GABRB3: variants seen among roughly 807,000 people sequenced by gnomAD.
The protein encoded by GABRB3 is gamma-aminobutyric acid receptor subunit beta-3.
Under a neutral mutation model 52.1 loss-of-function variants are expected in GABRB3, and 14 were observed. The observed-to-expected ratio is 0.27, with a 90% confidence interval of 0.18 to 0.42. The LOEUF (loss-of-function observed/expected upper bound fraction) is 0.42. Among genes scored for constraint, GABRB3 ranks in the 10% least tolerant of loss-of-function variants. The pLI is 1.00. For synonymous variants in GABRB3, 260 were observed against 232.3 expected, an observed-to-expected ratio of 1.12 and a Z score of -1.08; for missense variants, 307 against 609.1, an observed-to-expected ratio of 0.50 and a Z score of 5.22.
intron 4 of GABRB3, among the ~76,000 whole-genome samples, chr15:26,609,761 G>GTTCAAAATTTATT (rs1891995824): frequency 2.0e-5 from 3 of 152,250 alleles, no homozygotes; most frequent in African/African-American, 7.2e-5. Context: ...TTTCAAAGTT[G>GTTCAAAATTTATT]CTGAGAGAAT....
chr15:26,571,470 A>C (rs952300220), intron 6 of GABRB3, among the ~76,000 whole-genome samples: 2 of 152,216 alleles, frequency 1.3e-5, no homozygotes, highest in Non-Finnish European at 2.9e-5. Flanking sequence ...CCCAGAGAAG[A>C]GCAGCAAATA....
chr15:26,653,214 T>C (rs905848583), intron 3 of GABRB3, among the ~76,000 whole-genome samples: 5 of 152,138 alleles, frequency 3.3e-5, no homozygotes, highest in Admixed American at 6.5e-5. Flanking sequence ...AACTAACAAA[T>C]TCACCACAAG....
rs926447340 is a variant in GABRB3, at chr15:26,650,677, G to A, written c.241-29143C>T. Among the ~76,000 whole-genome samples, 55 of 151,918 alleles carry A rather than the reference G, an allele frequency of 3.6e-4. 1 individual carries two copies. The highest frequency in any genetic ancestry group is 1.0e-4 in the Non-Finnish European group (7 of 68,010). On this transcript the variant is annotated intron_variant, in intron 3 of 8. Transcript: ENST00000311550. ...TCCCCACCCTTCACCTATTTTACAT[G>A]TGCCTACCCTTTCCTAATTGGTTTT...
chr15:26,773,252 C>A (rs565238494), upstream of GABRB3, among the ~76,000 whole-genome samples: 109 of 150,070 alleles, frequency 7.3e-4, no homozygotes, highest in Admixed American at 1.1e-3. Flanking sequence ...GGCCCGAGGC[C>A]GGGGCCCTGG....
At chr15:26,748,751 C>A (rs1000213805) in intron 3 of GABRB3, among the ~76,000 whole-genome samples, 4 of 150,784 alleles carry the variant, frequency 2.7e-5, no homozygotes, top group African/African-American at 7.3e-5. Flanking sequence ...TTGGGCTGGG[C>A]ACAGGGGCTC....
At chr15:26,572,102 G>T (rs548992680) in intron 6 of GABRB3, among the ~76,000 whole-genome samples, 1 of 150,758 alleles carries the variant, frequency 6.6e-6, no homozygotes, top group Non-Finnish European at 1.5e-5. Flanking sequence ...AAAATGTTCC[G>T]GTATCCGGCG....
At chr15:26,554,041 T>TTATATATATATATATATATATTTA (rs1555400774) in intron 8 of GABRB3, among the ~76,000 whole-genome samples, 2 of 62,096 alleles carry the variant, frequency 3.2e-5, no homozygotes, top group Non-Finnish European at 3.2e-5. Context: ...ATATATTTAT[T>TTATATATATATATATATATATTTA]TATTTATATT....
chr15:26,563,550 G>A (rs1030581181), intron 7 of GABRB3, among the ~76,000 whole-genome samples: 13 of 152,180 alleles, frequency 8.5e-5, no homozygotes, highest in South Asian at 2.1e-4. Flanking sequence ...TGCCTCTGTG[G>A]GTCTGTAGCC....
chr15:26,645,750 G>T (rs1893330381), intron 3 of GABRB3, among the ~76,000 whole-genome samples: 1 of 152,058 alleles, frequency 6.6e-6, no homozygotes. Context: ...CTAAACTAGG[G>T]TTTTTAATGA....
At chr15:26,751,352 G>C (rs1890501361) in intron 3 of GABRB3, among the ~76,000 whole-genome samples, 1 of 152,168 alleles carries the variant, frequency 6.6e-6, no homozygotes, top group Non-Finnish European at 1.5e-5. Context: ...GCTCAGGAAT[G>C]TGTCCAGAAC....
intron 3 of GABRB3, among the ~76,000 whole-genome samples, chr15:26,701,103 T>A (rs1421734870): frequency 6.6e-6 from 1 of 151,654 alleles, no homozygotes; most frequent in Non-Finnish European, 1.5e-5. Context: ...AGAAGAGGAC[T>A]TTCTCAACTT....
chr15:26,689,712 A>G (rs1296366943), intron 3 of GABRB3, among the ~76,000 whole-genome samples: 1 of 152,042 alleles, frequency 6.6e-6, no homozygotes, highest in Non-Finnish European at 1.5e-5. Context: ...GTGGTCCCCA[A>G]GCAGGAAGGA....
At chr15:26,760,809 G>GCGCACACGCA (rs371524450) in intron 3 of GABRB3, among the ~76,000 whole-genome samples, 1 of 149,286 alleles carries the variant, frequency 6.7e-6, no homozygotes, top group Non-Finnish European at 1.5e-5. Context: ...ACACGCGCAC[G>GCGCACACGCA]CACACACACA....
intron 3 of GABRB3, among the ~76,000 whole-genome samples, chr15:26,693,235 G>A (rs1888640122): frequency 6.6e-6 from 1 of 152,192 alleles, no homozygotes; most frequent in Non-Finnish European, 1.5e-5. Flanking sequence ...TGTTTTCACA[G>A]GTAAGAAAAT....
intron 4 of GABRB3, among the ~76,000 whole-genome samples, chr15:26,596,555 T>C (rs1274817691): frequency 6.6e-6 from 1 of 152,146 alleles, no homozygotes. Context: ...ATATTTCATA[T>C]AAATTATACA....
Position 26,621,629 on chromosome 15 carries a change from TA to T in GABRB3, c.241-96del. On this transcript the variant is annotated intron_variant, in intron 3 of 8. Transcript: ENST00000311550. This position sits in a 1 kb window ranked among gnomAD's most constrained non-coding sequence, Gnocchi z 4.1. ...CAAATTCAGGTTGCAATCTAGGCTC[TA>T]CAGTGAATAACCAGGAGAAACGGAT... is the stretch of plus-strand genomic sequence containing the variant. 1.1e-6 allele frequency: 1 copy of T among 914,772 alleles called. No homozygotes were observed. Among genetic ancestry groups the T allele is most frequent in the South Asian group, 1.4e-5 (1 of 70,510 alleles). 56.7% of individuals were successfully genotyped at this position (914,772 alleles called of 1,614,324 possible).
intron 3 of GABRB3, among the ~76,000 whole-genome samples, chr15:26,650,992 G>A (rs778947015): frequency 4.6e-5 from 7 of 152,124 alleles, no homozygotes; most frequent in Non-Finnish European, 8.8e-5. Flanking sequence ...CTGTCTGTGC[G>A]ACCAACCCAA....
chr15:26,676,857 T>C (rs917000010), intron 3 of GABRB3, among the ~76,000 whole-genome samples: 1 of 152,248 alleles, frequency 6.6e-6, no homozygotes, highest in African/African-American at 2.4e-5. Flanking sequence ...ATATTATATA[T>C]ATTTTTTCTT....
In GABRB3 at chr15:26,621,481, G is replaced by C. The variant is rs745523153; in HGVS notation, c.294C>G (p.Ala98=). The C allele has an allele frequency of 1.9e-6, 3 of 1,614,162 alleles. No individual in the cohort carries two copies. The highest frequency in any genetic ancestry group is 2.2e-5 in the South Asian group (2 of 91,082). The change falls in exon 4 of 9, where the codon GCC becomes GCG. Residue 98 remains alanine (A), a synonymous_variant. Transcript: ENST00000311550. This position sits in a 1 kb window ranked among gnomAD's most constrained non-coding sequence, Gnocchi z 4.1. ...TGAGGTTGAGAGGGATCCCAGAATA[G>C]GCGAGCCTTTTATCTCTCCAATATT... ...FQQYWRDKRL[A]YSGIPLNLTL...
Sources: allele counts gnomAD v4.1 joint callset (sites outside exome capture counted in the v4.1 genomes callset), GRCh38; gene constraint gnomAD v4.1.1; non-coding constraint Gnocchi (gnomAD v3.1); transcripts MANE v1.5; gene names NCBI Gene and HGNC (gene_info 2026-07-23, HGNC 2026-07-21).